MYO1A: variants seen among roughly 807,000 people sequenced by gnomAD.
MYO1A encodes unconventional myosin-Ia.
In MYO1A, 127 loss-of-function variants were observed where a neutral mutation model predicts 138.5. The observed-to-expected ratio is 0.92, with a 90% CI of 0.79 to 1.06. The LOEUF (loss-of-function observed/expected upper bound fraction) is 1.06. Ranked by LOEUF, MYO1A falls within the 50% of genes least tolerant of loss-of-function variation. The probability of loss-of-function intolerance (pLI) is 0.00; values close to 1 mark genes in which losing one functional copy is unlikely to be tolerated. For synonymous variants in MYO1A, 477 were observed against 497.5 expected (o/e 0.96, Z 0.55); for missense variants, 1,211 against 1,288.8 (o/e 0.94, Z 0.92).
Position 57,043,365 on chromosome 12 carries a change from T to C in MYO1A, c.893-7A>G. 1.2e-6 allele frequency: 2 copies of C among 1,612,580 alleles called. No individual in the cohort carries two copies. The highest frequency in any genetic ancestry group is 1.7e-6 in the Non-Finnish European group (2 of 1,178,642). ...TCCCCAATCTCCCGAACACCTGGGATAATGAGAAAGTACAGCATGTCCTTA... is the reference window on the plus strand; with the variant it reads ...TCCCCAATCTCCCGAACACCTGGGACAATGAGAAAGTACAGCATGTCCTTA... On this transcript the variant is annotated splice_polypyrimidine_tract_variant and splice_region_variant and intron_variant, in intron 10 of 27. Coordinates refer to ENST00000300119, the MANE Select transcript of MYO1A (RefSeq NM_005379.4).
chr12:57,041,197 T>A lies in MYO1A; in HGVS notation c.1256A>T (p.Glu419Val). ...IEMTLKEEQE[E>V]YKREGIPWTK... The stretch of plus-strand genomic sequence containing the variant: ...GACTTGGTTTACTTCTCTCTTATAT[T>A]CCTCTTGCTCTTCTTTCAGGGTCAT... The change falls in exon 14 of 28, where the codon GAA becomes GTA. Residue 419 changes from glutamate to valine, a missense_variant. Transcript: ENST00000300119. 1 of 1,612,872 alleles carries A rather than the reference T, an allele frequency of 6.2e-7. No individual in the cohort carries two copies. The highest frequency in any genetic ancestry group is 8.5e-7 in the Non-Finnish European group (1 of 1,179,720).
Position 57,044,179 on chromosome 12 carries a change from C to G in MYO1A, c.671G>C (p.Gly224Ala). 3 of 1,614,120 alleles carry G rather than the reference C, an allele frequency of 1.9e-6. No homozygotes were observed. The highest frequency in any genetic ancestry group is 2.5e-6 in the Non-Finnish European group (3 of 1,180,018). ...TACTTCATGATTCAGATAGGCATAG[C>G]CAGTTGTATCCCGCTCAAGCTTCAG... ...KALKLERDTTGYAYLNHEVSR... is the reference protein window; with the variant it reads ...KALKLERDTTAYAYLNHEVSR... The change falls in exon 9 of 28, where the codon GGC becomes GCC. Residue 224 changes from glycine to alanine, a missense_variant. Gly to Ala is a moderately conservative substitution (Grantham distance 60). Transcript: ENST00000300119.
intron 24 of MYO1A, 36 bp from the exon 25 acceptor site, chr12:57,029,908 C>T: frequency 2.5e-6 from 4 of 1,614,108 alleles, no homozygotes; most frequent in Non-Finnish European, 3.4e-6. Context: ...CGCGACAAGG[C>T]CCAGAGGCCT....
chr12:57,046,799 A>C (rs1277310777), intron 7 of MYO1A, 64 bp downstream of exon 7: 4 of 1,570,386 alleles, frequency 2.5e-6, no homozygotes. Flanking sequence ...ACAGGAACAG[A>C]TTAGCAGAAA....
At chr12:57,039,960 G>C (rs894838811) in intron 14 of MYO1A, among the ~76,000 whole-genome samples, 6 of 152,166 alleles carry the variant, frequency 3.9e-5, no homozygotes, top group Non-Finnish European at 8.8e-5. Flanking sequence ...AGCAAGAATG[G>C]TACAAAAGCA....
At chr12:57,029,913 AG>A (rs748986867) in intron 24 of MYO1A, 41 bp from the exon 25 acceptor site, 7 of 1,614,036 alleles carry the variant, frequency 4.3e-6, no homozygotes, top group Non-Finnish European at 5.9e-6. Flanking sequence ...CAAGGCCCAG[AG>A]GCCTCTTCCC....
In MYO1A at chr12:57,037,947, C is replaced by T. The variant is rs762893043; in HGVS notation, c.1883G>A (p.Arg628His). Residue 628 changes from arginine (R) to histidine (H), a missense_variant, in exon 18 of 28, where the codon CGC becomes CAC. By Grantham distance (29) the Arg-to-His change is conservative. Coordinates refer to ENST00000300119, the MANE Select transcript of MYO1A (RefSeq NM_005379.4). ...TTCCAGGAAGGGCCCATAACCCTGGCGGTGGGCATAGCCTGCCCGTCGCAC... is the reference window on the plus strand; with the variant it reads ...TTCCAGGAAGGGCCCATAACCCTGGTGGTGGGCATAGCCTGCCCGTCGCAC... Reference protein sequence around the residue: ...VRVRRAGYAHRQGYGPFLERY... With the variant: ...VRVRRAGYAHHQGYGPFLERY... 6.2e-6 allele frequency: 10 copies of T among 1,614,044 alleles called. No homozygotes were observed. The highest frequency in any genetic ancestry group is 5.3e-5 in the African/African-American group (4 of 74,918).
intron 27 of MYO1A, 95 bp downstream of exon 27, chr12:57,029,037 T>C: frequency 6.2e-7 from 1 of 1,610,372 alleles, no homozygotes; most frequent in Non-Finnish European, 8.5e-7. Context: ...CGGCCTGCAC[T>C]GCCCTACATG....
At chr12:57,034,824 C>T (rs1300196754) in intron 22 of MYO1A, among the ~76,000 whole-genome samples, 2 of 152,110 alleles carry the variant, frequency 1.3e-5, no homozygotes, top group Admixed American at 1.3e-4. Flanking sequence ...CAAAAATTAG[C>T]TGGGCATGGT....
At chr12:57,046,841 G>A in intron 7 of MYO1A, 22 bp downstream of exon 7, 1 of 1,612,764 alleles carries the variant, frequency 6.2e-7, no homozygotes, top group South Asian at 1.1e-5. Context: ...AGACAGGTGA[G>A]TGGAATTGGG....
chr12:57,032,060 T>C (rs2030314510), intron 22 of MYO1A, among the ~76,000 whole-genome samples: 1 of 152,188 alleles, frequency 6.6e-6, no homozygotes, highest in South Asian at 2.1e-4. Context: ...GTGCCTTAGC[T>C]CTCGATGCTC....
rs764172188 is a variant in MYO1A at position 57,038,999 on chromosome 12, C to G, written c.1343G>C (p.Gly448Ala). Residue 448 changes from glycine to alanine, a missense_variant, in exon 16 of 28, where the codon GGT (glycine) becomes GCT (alanine). By Grantham distance (60) the Gly-to-Ala change is moderately conservative (BLOSUM62 0). Transcript: ENST00000300119. ...CTCCTCATCCAACATGGCCAGGATACCTCGCTGATTCTGGGCCGGGGGAAC... is the reference window on the plus strand; with the variant it reads ...CTCCTCATCCAACATGGCCAGGATAGCTCGCTGATTCTGGGCCGGGGGAAC... ...ICKLIEHNQRGILAMLDEECL... is the reference protein window; with the variant it reads ...ICKLIEHNQRAILAMLDEECL... 6.2e-7 allele frequency: 1 copy of G among 1,613,658 alleles called. No homozygotes were observed. The highest frequency in any genetic ancestry group is 1.7e-5 in the Admixed American group (1 of 59,964).
At chr12:57,029,709 T>C (rs1187086544) in intron 25 of MYO1A, 31 bp downstream of exon 25, 5 of 1,614,140 alleles carry the variant, frequency 3.1e-6, no homozygotes, top group Non-Finnish European at 4.2e-6. Context: ...CTGCACTAGC[T>C]GCGGGAGGAG....
chr12:57,037,026 A>G lies in MYO1A; in HGVS notation c.2121T>C (p.Ile707=). ...LQQLATLIQK[I]YRGWRCRTHY... is the part of the protein sequence containing the mutation. ...GGGTGCGGCAGCGCCAGCCTCGGTA[A>G]ATCTTCTGTATGAGTGTGGCCAGCT... Residue 707 remains isoleucine, a synonymous_variant, in exon 20 of 28, where the codon ATT becomes ATC. Coordinates refer to ENST00000300119, the MANE Select transcript of MYO1A (RefSeq NM_005379.4). 6.2e-7 allele frequency: 1 copy of G among 1,614,058 alleles called. No homozygotes were observed. Among genetic ancestry groups the G allele is most frequent in the Non-Finnish European group, 8.5e-7 (1 of 1,180,000 alleles).
Position 57,046,863 on chromosome 12 carries a change from A to G in MYO1A, c.541T>C (p.Tyr181His). 6.2e-7 allele frequency: 1 copy of G among 1,613,992 alleles called. No homozygotes were observed. Among genetic ancestry groups the G allele is most frequent in the Non-Finnish European group, 8.5e-7 (1 of 1,179,906 alleles). The change falls in exon 7 of 28, where the codon TAT becomes CAT. Residue 181 changes from tyrosine (Y) to histidine (H), a missense_variant and splice_region_variant. Physicochemically the swap from Tyr to His is moderately conservative, Grantham distance 83. Coordinates refer to ENST00000300119, the MANE Select transcript of MYO1A (RefSeq NM_005379.4). ...TGAGTGGAATTGGGGAGACACGTAC[A>G]GTTTGTGATGACACCACCGAGGGGG... ...GSPLGGVITN[Y>H]LLEKSRLVKQ...
Position 57,038,038 on chromosome 12 carries a change from C to T in MYO1A, c.1792G>A (p.Gly598Ser), listed in dbSNP as rs146792454. The change falls in exon 18 of 28, where the codon GGT (glycine) becomes AGT (serine). Residue 598 changes from glycine to serine, a missense_variant. Physicochemically the swap from Gly to Ser is moderately conservative, Grantham distance 56. Coordinates refer to ENST00000300119, the MANE Select transcript of MYO1A (RefSeq NM_005379.4). ...GCCACCAGGTCTGAAGAGAACTGAC[C>T]TCGCTGCTGATGCTCATTGGGCTTT... ...CIKPNEHQQR[G>S]QFSSDLVATQ... The T allele has an allele frequency of 1.7e-4, 270 of 1,613,990 alleles. No homozygotes were observed. Among genetic ancestry groups the T allele is most frequent in the Non-Finnish European group, 2.2e-4 (256 of 1,180,060 alleles).
Position 57,036,961 on chromosome 12 carries a change from G to A in MYO1A, c.2186C>T (p.Ser729Phe). Residue 729 changes from serine (S) to phenylalanine (F), a missense_variant, in exon 20 of 28, where the codon TCT becomes TTT. Physicochemically the swap from Ser to Phe is radical, Grantham distance 155. Transcript: ENST00000300119. ...LMRKSQILIS[S>F]WFRGNMQKKC... ...CCGTACCATGTTTCCCCGAAACCAA[G>A]AGGAGATGAGGATCTGACTCTTTCG... is the stretch of plus-strand genomic sequence containing the variant. 1.2e-6 allele frequency: 2 copies of A among 1,614,186 alleles called. No individual in the cohort carries two copies. Among genetic ancestry groups the A allele is most frequent in the Non-Finnish European group, 1.7e-6 (2 of 1,180,030 alleles).
Position 57,048,240 on chromosome 12 carries a change from A to C in MYO1A, c.84T>G (p.Leu28=). ...PLVEESLLKN[L]QLRYENKEIY... ...TCTCCTTGTTTTCATAGCGAAGCTG[A>C]AGATTCTTGAGCAGTGACTCCTCCA... is the stretch of plus-strand genomic sequence containing the variant. The change falls in exon 2 of 28, where the codon CTT becomes CTG. Residue 28 remains leucine, a synonymous_variant. Transcript: ENST00000300119. The C allele has an allele frequency of 4.3e-6, 7 of 1,614,156 alleles. No individual in the cohort carries two copies. The highest frequency in any genetic ancestry group is 5.9e-6 in the Non-Finnish European group (7 of 1,179,976).
chr12:57,045,944 A>G (rs554447576), intron 8 of MYO1A, among the ~76,000 whole-genome samples: 3 of 152,360 alleles, frequency 2.0e-5, no homozygotes, highest in South Asian at 2.1e-4. Flanking sequence ...CTAGAAGACT[A>G]TAAGTTCTTC....
Sources: allele counts gnomAD v4.1 joint callset (sites outside exome capture counted in the v4.1 genomes callset), GRCh38; gene constraint gnomAD v4.1.1; transcripts MANE v1.5; gene names NCBI Gene and HGNC (gene_info 2026-07-23, HGNC 2026-07-21).